TIMM17A: variants seen among roughly 807,000 people sequenced by gnomAD.
TIMM17A encodes the protein mitochondrial import inner membrane translocase subunit Tim17-A.
Under a neutral mutation model 26.5 loss-of-function variants are expected in TIMM17A, and 15 were observed. The observed-to-expected ratio is 0.57, with a 90% CI of 0.38 to 0.87. TIMM17A has a LOEUF of 0.87. Among genes scored for constraint, TIMM17A ranks in the 40% least tolerant of loss-of-function variants. TIMM17A has a pLI of 0.00. For synonymous variants in TIMM17A, 80 were observed against 70.8 expected, an observed-to-expected ratio of 1.13 and a Z score of -0.66; for missense variants, 201 against 210.0, an observed-to-expected ratio of 0.96 and a Z score of 0.27.
At chr1:201,961,716 T>G (rs1213645609) in intron 3 of TIMM17A, among the ~76,000 whole-genome samples, 1 of 152,134 alleles carries the variant, frequency 6.6e-6, no homozygotes, top group Non-Finnish European at 1.5e-5. Flanking sequence ...AAATCAAGAA[T>G]GGTATACAAT....
chr1:201,967,434 GTT>G (rs1682654025), intron 5 of TIMM17A, among the ~76,000 whole-genome samples: 2 of 152,214 alleles, frequency 1.3e-5, no homozygotes, highest in Admixed American at 6.5e-5. Flanking sequence ...AATGGATATA[GTT>G]AACTTAAATA....
chr1:201,959,728 A>C (rs984346115), intron 3 of TIMM17A, among the ~76,000 whole-genome samples: 16 of 152,060 alleles, frequency 1.1e-4, no homozygotes, highest in Admixed American at 7.9e-4. Flanking sequence ...TAATCCCAGC[A>C]CTTTCGGAGG....
chr1:201,961,904 ACACTC>A (rs1682540200), intron 3 of TIMM17A, among the ~76,000 whole-genome samples: 1 of 151,698 alleles, frequency 6.6e-6, no homozygotes, highest in African/African-American at 2.4e-5. Flanking sequence ...GTATACTCTG[ACACTC>A]CATGCCAGGC....
chr1:201,965,205 C>G (rs548057587), intron 4 of TIMM17A, among the ~76,000 whole-genome samples: 1 of 152,302 alleles, frequency 6.6e-6, no homozygotes, highest in South Asian at 2.1e-4. Flanking sequence ...CTGCCTCAGC[C>G]TCCCAAAGTG....
In TIMM17A at chr1:201,965,486, T is replaced by A; in HGVS notation, c.373T>A (p.Leu125Ile). ...SAAMGGILLA[L>I]IEGAGILLTR... ...CGCAATGGGTGGCATTCTCCTAGCTTTAATTGAAGGAGCTGGTATCTTGTT... is the reference window on the plus strand; with the variant it reads ...CGCAATGGGTGGCATTCTCCTAGCTATAATTGAAGGAGCTGGTATCTTGTT... The change falls in exon 5 of 6, where the codon TTA (leucine) becomes ATA (isoleucine). Residue 125 changes from leucine (L) to isoleucine (I), a missense_variant. Leu to Ile is a conservative substitution (Grantham distance 5). Coordinates refer to ENST00000367287, the MANE Select transcript of TIMM17A (RefSeq NM_006335.3). 6.2e-7 allele frequency: 1 copy of A among 1,614,206 alleles called. No homozygotes were observed. The highest frequency in any genetic ancestry group is 8.5e-7 in the Non-Finnish European group (1 of 1,180,004).
chr1:201,966,454 G>A (rs1682627578), intron 5 of TIMM17A, among the ~76,000 whole-genome samples: 1 of 152,066 alleles, frequency 6.6e-6, no homozygotes, highest in Non-Finnish European at 1.5e-5. Flanking sequence ...AGGAGTTCAA[G>A]GCCAGCCTGG....
intron 3 of TIMM17A, among the ~76,000 whole-genome samples, chr1:201,960,993 G>C (rs577580123): frequency 6.6e-6 from 1 of 151,436 alleles, no homozygotes; most frequent in Non-Finnish European, 1.5e-5. Context: ...CAGGTGATCC[G>C]CCTACCTCAG....
chr1:201,965,358 G>A, intron 4 of TIMM17A, 75 bp from the exon 5 acceptor site: 1 of 1,063,576 alleles, frequency 9.4e-7, no homozygotes, highest in Non-Finnish European at 1.5e-6. Flanking sequence ...CATATGGACA[G>A]TTCTCTTCTT....
At chr1:201,962,514 T>A (rs1297445185) in intron 3 of TIMM17A, 6 of 151,930 alleles carry the variant, frequency 3.9e-5, no homozygotes, top group Non-Finnish European at 4.4e-5. Context: ...ACCTGGCTAA[T>A]TTTTTTTGTA....
chr1:201,956,355 CAT>C (rs1682408775), intron 1 of TIMM17A, among the ~76,000 whole-genome samples: 1 of 152,174 alleles, frequency 6.6e-6, no homozygotes, highest in Non-Finnish European at 1.5e-5. Context: ...TTCGGTTAAT[CAT>C]TTGTTTTATT....
At chr1:201,964,136 T>C (rs2102944548) in intron 4 of TIMM17A, among the ~76,000 whole-genome samples, 1 of 152,226 alleles carries the variant, frequency 6.6e-6, no homozygotes, top group South Asian at 2.1e-4. Flanking sequence ...ATAGCATAAA[T>C]ATACAGTATA....
At chr1:201,956,493 A>G (rs544542890) in intron 1 of TIMM17A, among the ~76,000 whole-genome samples, 1 of 152,322 alleles carries the variant, frequency 6.6e-6, no homozygotes, top group African/African-American at 2.4e-5. Flanking sequence ...CATACAAAAT[A>G]TAAGTTTTAG....
chr1:201,964,631 A>ATT (rs1682590110), intron 4 of TIMM17A, among the ~76,000 whole-genome samples: 2 of 80,244 alleles, frequency 2.5e-5, no homozygotes, highest in East Asian at 3.7e-4. Context: ...ATTTTATTTT[A>ATT]TTTCTTTTTT....
chr1:201,969,635 T>C lies in TIMM17A; in HGVS notation c.*81T>C. The C allele has an allele frequency of 7.9e-7, 1 of 1,271,534 alleles. No homozygotes were observed. Among genetic ancestry groups the C allele is most frequent in the Non-Finnish European group, 1.1e-6 (1 of 875,188 alleles). 78.8% of individuals were successfully genotyped at this position (1,271,534 alleles called of 1,614,324 possible). A position where few individuals can be genotyped will look rare whatever the true frequency, so the allele number is the denominator to read the frequency against. On this transcript the variant is annotated 3_prime_UTR_variant, in exon 6 of 6. Coordinates refer to ENST00000367287, the MANE Select transcript of TIMM17A (RefSeq NM_006335.3). ...AGAAGATCAAGTTACAGTCTGTTTT[T>C]AAAACCATAGGTGGGACAGCTATGG... is the stretch of plus-strand genomic sequence containing the variant.
intron 5 of TIMM17A, among the ~76,000 whole-genome samples, chr1:201,967,544 T>TTATTTTA (rs1455898896): frequency 1.3e-5 from 2 of 151,052 alleles, no homozygotes; most frequent in Admixed American, 6.6e-5. Flanking sequence ...ATTTATTTAT[T>TTATTTTA]TATTTATTTT....
chr1:201,963,372 G>A (rs969926364), intron 3 of TIMM17A: 6 of 361,134 alleles, frequency 1.7e-5, no homozygotes, highest in South Asian at 3.0e-5. Context: ...TATGGCACCC[G>A]GCTGGCTTAT....
At chr1:201,967,168 T>C (rs1682648130) in intron 5 of TIMM17A, among the ~76,000 whole-genome samples, 1 of 151,984 alleles carries the variant, frequency 6.6e-6, no homozygotes, top group Admixed American at 6.6e-5. Context: ...CATCCCAATT[T>C]GCTTTGATTT....
Position 201,957,597 on chromosome 1 carries a change from C to G in TIMM17A, c.190+23C>G, listed in dbSNP as rs147668913. On this transcript the variant is annotated intron_variant, in intron 3 of 5. Transcript: ENST00000367287. ...GAGGTAAGCAGAATTTTCATTTTAACTGAACTATTTTTTTCTGTTCCTTTG... is the reference window on the plus strand; with the variant it reads ...GAGGTAAGCAGAATTTTCATTTTAAGTGAACTATTTTTTTCTGTTCCTTTG... The G allele has an allele frequency of 5.4e-4, 857 of 1,586,742 alleles. 5 individuals carry two copies. The African/African-American group carries it at 5.9e-3, about 11-fold the overall frequency.
In TIMM17A at chr1:201,969,477, T is replaced by A. The variant is rs1355751891; in HGVS notation, c.439T>A (p.Phe147Ile). 6.2e-6 allele frequency: 10 copies of A among 1,613,150 alleles called. No individual in the cohort carries two copies. Among genetic ancestry groups the A allele is most frequent in the Non-Finnish European group, 8.5e-6 (10 of 1,179,350 alleles). Residue 147 changes from phenylalanine to isoleucine, a missense_variant, in exon 6 of 6, where the codon TTT (phenylalanine) becomes ATT (isoleucine). By Grantham distance (21) the Phe-to-Ile change is conservative. Coordinates refer to ENST00000367287, the MANE Select transcript of TIMM17A (RefSeq NM_006335.3). Reference protein sequence around the residue: ...ASAQFPNGPQFAEDPSQLPST... With the variant: ...ASAQFPNGPQIAEDPSQLPST... ...TTATTTCTCACTTGCAGGTCCTCAG[T>A]TTGCAGAAGACCCCTCCCAGTTGCC...
Sources: gnomAD v4.1 joint callset for allele counts (sites outside exome capture counted in the v4.1 genomes callset) on GRCh38, gnomAD v4.1.1 for gene constraint, MANE v1.5 for transcripts, NCBI Gene and HGNC (gene_info 2026-07-23, HGNC 2026-07-21) for gene names.